PHACTR3: variants seen among roughly 807,000 people sequenced by gnomAD.
PHACTR3 encodes the protein phosphatase and actin regulator 3.
A neutral mutation model predicts 66.8 loss-of-function variants in PHACTR3; 16 were observed. The ratio of observed to expected loss-of-function variants is 0.24; its 90% CI spans 0.16 to 0.36. PHACTR3 has a LOEUF of 0.36. Ranked by LOEUF, PHACTR3 falls within the 10% of genes least tolerant of loss-of-function variation. The pLI is 1.00. For missense variants in PHACTR3, 647 were observed against 719.9 expected (o/e 0.90, Z 1.16); for synonymous variants, 323 against 292.1 (o/e 1.11, Z -1.08).
chr20:59,582,790 G>A (rs891142003), intron 1 of PHACTR3, among the ~76,000 whole-genome samples: 1 of 152,090 alleles, frequency 6.6e-6, no homozygotes, highest in African/African-American at 2.4e-5. Context: ...TGGTTTGTGA[G>A]CGCCGTCGAT....
In PHACTR3 at chr20:59,756,093, C is replaced by G. The variant is rs556524748; in HGVS notation, c.541+729C>G. Among the ~76,000 whole-genome samples, 41 of 152,072 alleles carry G rather than the reference C, an allele frequency of 2.7e-4. 1 individual carries two copies. The South Asian group carries it at 7.7e-3, about 29-fold the overall frequency. ...GTGGTTTTTATTTTAATTGAATAGACCAGGGCGCTTCCCAAGGATAGGGGA... is the reference window on the plus strand; with the variant it reads ...GTGGTTTTTATTTTAATTGAATAGAGCAGGGCGCTTCCCAAGGATAGGGGA... On this transcript the variant is annotated intron_variant, in intron 4 of 12. Coordinates refer to ENST00000371015, the MANE Select transcript of PHACTR3 (RefSeq NM_080672.5).
chr20:59,771,235 G>C (rs2040348603), intron 5 of PHACTR3, among the ~76,000 whole-genome samples: 1 of 152,172 alleles, frequency 6.6e-6, no homozygotes, highest in Admixed American at 6.5e-5. Flanking sequence ...TCATGGGGCT[G>C]GGGTGAGAAG....
chr20:59,821,914 A>G (rs1024851750), intron 8 of PHACTR3, among the ~76,000 whole-genome samples: 5 of 151,258 alleles, frequency 3.3e-5, no homozygotes, highest in African/African-American at 1.2e-4. Context: ...GAACCCTGAG[A>G]GGCGCTGAGA....
chr20:59,761,596 C>T (rs2039995851), intron 4 of PHACTR3, among the ~76,000 whole-genome samples: 3 of 152,172 alleles, frequency 2.0e-5, no homozygotes, highest in Admixed American at 2.0e-4. Context: ...TGTTTAAGTT[C>T]CTACATAATA....
intron 1 of PHACTR3, among the ~76,000 whole-genome samples, chr20:59,687,708 C>T (rs1480247623): frequency 2.6e-5 from 4 of 152,096 alleles, no homozygotes; most frequent in South Asian, 2.1e-4. Flanking sequence ...CACTTCACCC[C>T]TAAGAGAAGG....
At chr20:59,658,563 C>T (rs2035701586) in intron 1 of PHACTR3, among the ~76,000 whole-genome samples, 2 of 152,124 alleles carry the variant, frequency 1.3e-5, no homozygotes, top group Admixed American at 1.3e-4. Flanking sequence ...ACGCTGCAGC[C>T]TTGGGAGTGT....
At chr20:59,797,173 G>C (rs530223245) in intron 7 of PHACTR3, among the ~76,000 whole-genome samples, 21 of 152,146 alleles carry the variant, frequency 1.4e-4, no homozygotes, top group Middle Eastern at 6.8e-3. Flanking sequence ...CAAGATTTCT[G>C]TTTGTTCCTT....
chr20:59,595,947 A>G (rs2033316247), intron 1 of PHACTR3, among the ~76,000 whole-genome samples: 1 of 152,136 alleles, frequency 6.6e-6, no homozygotes, highest in East Asian at 1.9e-4. Context: ...AAGTGCACAT[A>G]CCATAAACGT....
In PHACTR3 at chr20:59,743,128, C is replaced by T. The variant is rs199841810; in HGVS notation, c.140C>T (p.Pro47Leu). The change falls in exon 2 of 13, where the codon CCG becomes CTG. Residue 47 changes from proline (P) to leucine (L), a missense_variant. This residue lies in a region of PHACTR3 where 577 missense variants were observed against 571.1 expected (regional missense o/e 1.01). Transcript: ENST00000371015. ...CCAGATGAGATGGACCAAACGCCCC[C>T]GGCGCGTCCTGAATATCTGGTCTCA... ...ENPDEMDQTP[P>L]ARPEYLVSGI... is the part of the protein sequence containing the mutation. 38 of 1,613,854 alleles carry T rather than the reference C, an allele frequency of 2.4e-5. No individual in the cohort carries two copies. In the East Asian group the frequency reaches 4.9e-4, roughly 21 times the overall value.
intron 1 of PHACTR3, among the ~76,000 whole-genome samples, chr20:59,584,827 C>CG (rs1200650468): frequency 6.6e-6 from 1 of 152,144 alleles, no homozygotes; most frequent in African/African-American, 2.4e-5. Flanking sequence ...CCCCCTATTC[C>CG]GGGGGGATCT....
chr20:59,739,757 T>C (rs552447420), intron 1 of PHACTR3, among the ~76,000 whole-genome samples: 28 of 152,154 alleles, frequency 1.8e-4, no homozygotes, highest in Admixed American at 5.9e-4. Flanking sequence ...CTATTAGTAA[T>C]GCCTGGAGAG....
intron 8 of PHACTR3, among the ~76,000 whole-genome samples, chr20:59,821,387 C>T (rs1305863246): frequency 6.6e-6 from 1 of 152,138 alleles, no homozygotes; most frequent in Non-Finnish European, 1.5e-5. Flanking sequence ...CTCCATGGTC[C>T]AGGGTGGCTG....
At chr20:59,741,159 A>G (rs183711520) in intron 1 of PHACTR3, among the ~76,000 whole-genome samples, 2 of 152,348 alleles carry the variant, frequency 1.3e-5, no homozygotes, top group Admixed American at 6.5e-5. Flanking sequence ...TTCTCCCTGC[A>G]TGTCCATGCT....
chr20:59,842,525 G>A (rs1001645911), intron 11 of PHACTR3, among the ~76,000 whole-genome samples: 2 of 152,102 alleles, frequency 1.3e-5, no homozygotes, highest in Non-Finnish European at 2.9e-5. Context: ...TACCCCTAAA[G>A]TTCTTAAAGA....
intron 1 of PHACTR3, among the ~76,000 whole-genome samples, chr20:59,691,481 T>A (rs2037104185): frequency 1.3e-5 from 2 of 152,180 alleles, no homozygotes; most frequent in South Asian, 4.1e-4. Flanking sequence ...TTGTGTCTAT[T>A]TTTGGACTTT....
At chr20:59,587,958 G>A (rs4812114) in intron 1 of PHACTR3, among the ~76,000 whole-genome samples, 9,573 of 152,194 alleles carry the variant, frequency 0.063, 467 homozygotes, top group Admixed American at 0.15. Flanking sequence ...GAGGCCCATC[G>A]GGTCTTCCAG....
rs188560471 is a variant in PHACTR3 at position 59,721,908 on chromosome 20, C to T, written c.119-21199C>T. ...AAAAGAAAAGAAATACACAAGACGA[C>T]GTCAAAGAGTGACAAGTGGCCCAAA... On this transcript the variant is annotated intron_variant, in intron 1 of 12. Coordinates refer to ENST00000371015, the MANE Select transcript of PHACTR3 (RefSeq NM_080672.5). Among the ~76,000 whole-genome samples the T allele has an allele frequency of 2.6e-5, 4 of 152,236 alleles. No individual in the cohort carries two copies. In the East Asian group the frequency reaches 5.8e-4, roughly 22 times the overall value.
At chr20:59,583,928 C>T (rs1056054648) in intron 1 of PHACTR3, among the ~76,000 whole-genome samples, 3 of 152,204 alleles carry the variant, frequency 2.0e-5, no homozygotes, top group African/African-American at 7.2e-5. Context: ...ACGGTTCACG[C>T]GTGGACATGT....
chr20:59,695,917 G>C (rs2037280031), intron 1 of PHACTR3, among the ~76,000 whole-genome samples: 1 of 152,058 alleles, frequency 6.6e-6, no homozygotes, highest in East Asian at 1.9e-4. Context: ...ATGTTTACTA[G>C]ATCCAGGGTT....
Sources: allele counts gnomAD v4.1 joint callset (sites outside exome capture counted in the v4.1 genomes callset), GRCh38; gene constraint gnomAD v4.1.1; regional missense constraint gnomAD v4.1.1; transcripts MANE v1.5; gene names NCBI Gene and HGNC (gene_info 2026-07-23, HGNC 2026-07-21).